COL5A2: variants seen among roughly 807,000 people sequenced by gnomAD.
COL5A2 encodes the protein collagen alpha-2(V) chain.
A neutral mutation model predicts 208.2 loss-of-function variants in COL5A2; 23 were observed. That is an observed-to-expected ratio of 0.11 (90% CI 0.08 to 0.16). The LOEUF (loss-of-function observed/expected upper bound fraction) is 0.16, where lower values mean the gene tolerates loss of function less well. Ranked by LOEUF, COL5A2 falls within the 10% of genes least tolerant of loss-of-function variation. The probability of loss-of-function intolerance (pLI) is 1.00; values close to 1 mark genes in which losing one functional copy is unlikely to be tolerated. For missense variants in COL5A2, 1,590 were observed against 1,956.4 expected, an observed-to-expected ratio of 0.81 and a Z score of 3.53; for synonymous variants, 625 against 628.5, an observed-to-expected ratio of 0.99 and a Z score of 0.08.
chr2:189,041,316 TTTAA>T (rs2153506786), intron 50 of COL5A2, among the ~76,000 whole-genome samples: 1 of 152,344 alleles, frequency 6.6e-6, no homozygotes, highest in East Asian at 1.9e-4. Flanking sequence ...TTTTCATAAC[TTTAA>T]TTATAAATAC....
intron 1 of COL5A2, among the ~76,000 whole-genome samples, chr2:189,113,422 G>C (rs1017134058): frequency 1.3e-5 from 2 of 151,990 alleles, no homozygotes; most frequent in Non-Finnish European, 2.9e-5. Flanking sequence ...AACAGAGTGA[G>C]ACCTGGACTC....
chr2:189,418,201 T>A, the COL5A2 span, among the ~76,000 whole-genome samples: 1 of 152,154 alleles, frequency 6.6e-6, no homozygotes, highest in African/African-American at 2.4e-5. Flanking sequence ...TTGTTTAAAT[T>A]TTCATTTTAA....
At chr2:189,288,112 TC>T in the COL5A2 span, among the ~76,000 whole-genome samples, 1 of 151,746 alleles carries the variant, frequency 6.6e-6, no homozygotes, top group African/African-American at 2.4e-5. Flanking sequence ...TGAAAAGAGG[TC>T]CCACAGTAAG....
At chr2:189,104,310 A>G in intron 2 of COL5A2, 33 bp from the exon 3 acceptor site, 1 of 1,384,886 alleles carries the variant, frequency 7.2e-7, no homozygotes, top group Non-Finnish European at 1.0e-6. Flanking sequence ...GTGTTATTTT[A>G]TGAGGAAACA....
rs762140704 is a variant in COL5A2, at chr2:189,104,261, T to A, written c.336+3A>T. On this transcript the variant is annotated splice_donor_region_variant and intron_variant, in intron 3 of 53. Transcript: ENST00000374866. ...AAAAGAAAATATGCAAAGTAACACT[T>A]ACCTTTCTTCCTCTACCTGTAAAAA... 2 of 1,506,442 alleles carry A rather than the reference T, an allele frequency of 1.3e-6. No homozygotes were observed. Among genetic ancestry groups the A allele is most frequent in the African/African-American group, 2.7e-5 (2 of 72,748 alleles). The allele number at this position is 1,506,442 out of a possible 1,614,324, so 93.3% of individuals were successfully genotyped here. A position where few individuals can be genotyped will look rare whatever the true frequency, so the allele number is the denominator to read the frequency against.
chr2:189,179,869 A>G, upstream of COL5A2: 1 of 602,020 alleles, frequency 1.7e-6, no homozygotes, highest in Non-Finnish European at 2.9e-6. Context: ...AGTGTCTGCC[A>G]AGCAACGGTC....
intron 1 of COL5A2, among the ~76,000 whole-genome samples, chr2:189,175,193 C>T (rs995711713): frequency 6.6e-6 from 1 of 152,138 alleles, no homozygotes; most frequent in African/African-American, 2.4e-5. Flanking sequence ...GTAAGGGCTA[C>T]ATTTCCTAGC....
chr2:189,109,389 A>C (rs1318365321), intron 2 of COL5A2, among the ~76,000 whole-genome samples: 1 of 152,124 alleles, frequency 6.6e-6, no homozygotes, highest in Middle Eastern at 3.2e-3. Flanking sequence ...AGAAAAGGTA[A>C]GTTGCTATCT....
chr2:189,036,304 T>C (rs1476168956), intron 52 of COL5A2, among the ~76,000 whole-genome samples: 5 of 152,244 alleles, frequency 3.3e-5, no homozygotes, highest in South Asian at 2.1e-4. Flanking sequence ...TATGGCACTA[T>C]AGTTTATCAC....
At position 189,160,046 on chromosome 2, in the gene COL5A2, T is replaced by C. The variant is rs191150865; in HGVS notation, c.97+19462A>G. ...AATAATTTTCAGGTAACATAGAGTG[T>C]TGTTCTTGGTGACTAAAATTGCCAT... On this transcript the variant is annotated intron_variant, in intron 1 of 53. Transcript: ENST00000374866. 1.5e-3 allele frequency among the ~76,000 whole-genome samples: 227 copies of C among 152,208 alleles called. 1 individual carries two copies. The highest frequency in any genetic ancestry group is 5.0e-3 in the African/African-American group (207 of 41,524).
At chr2:189,412,202 C>T in the COL5A2 span, among the ~76,000 whole-genome samples, 1 of 152,038 alleles carries the variant, frequency 6.6e-6, no homozygotes. Flanking sequence ...TCCTGTGAGC[C>T]GCAGTCCCAA....
the COL5A2 span, among the ~76,000 whole-genome samples, chr2:189,344,562 C>T: frequency 6.6e-6 from 1 of 152,172 alleles, no homozygotes; most frequent in South Asian, 2.1e-4. Context: ...GCTGCAGCAA[C>T]AAGCAAGTCC....
chr2:189,337,332 G>A, the COL5A2 span, among the ~76,000 whole-genome samples: 3 of 151,298 alleles, frequency 2.0e-5, no homozygotes, highest in African/African-American at 4.8e-5. Context: ...ACAGGCGCCC[G>A]CCACTACGCC....
chr2:189,066,462 G>A lies in COL5A2; in HGVS notation c.1491C>T (p.Pro497=), dbSNP rs570269920. The change falls in exon 23 of 54, where the codon CCC becomes CCT. Residue 497 remains proline, a synonymous_variant. Coordinates refer to ENST00000374866, the MANE Select transcript of COL5A2 (RefSeq NM_000393.5). ...TGGGACCTCTTTTGCCTTCTTCACC[G>A]GGTGGGCCTATCGGACCCTGAATAC... The part of the protein sequence containing the change: ...PHGIQGPIGP[P]GEEGKRGPRG... The A allele has an allele frequency of 2.8e-5, 46 of 1,614,102 alleles. No homozygotes were observed. The highest frequency in any genetic ancestry group is 3.3e-4 in the Middle Eastern group (2 of 6,060).
chr2:189,053,756 A>G, intron 37 of COL5A2, 139 bp downstream of exon 37: 1 of 863,776 alleles, frequency 1.2e-6, no homozygotes, highest in East Asian at 2.6e-5. Context: ...GTTTAATTAG[A>G]AAAGCAAAAG....
intron 1 of COL5A2, among the ~76,000 whole-genome samples, chr2:189,210,430 T>C (rs1298902198): frequency 2.0e-5 from 2 of 98,842 alleles, no homozygotes; most frequent in African/African-American, 5.9e-5. Context: ...TTTGTTGAGC[T>C]TGAAAAAAAA....
At chr2:189,198,668 A>C (rs1689035841) in intron 1 of COL5A2, among the ~76,000 whole-genome samples, 2 of 152,178 alleles carry the variant, frequency 1.3e-5, no homozygotes, top group South Asian at 4.1e-4. Context: ...AATTGTTTTC[A>C]TAATAGTGAA....
At chr2:189,266,192 C>G in the COL5A2 span, among the ~76,000 whole-genome samples, 1 of 152,096 alleles carries the variant, frequency 6.6e-6, no homozygotes, top group Non-Finnish European at 1.5e-5. Context: ...CTTTGGTAGG[C>G]AGAGATGGGC....
At chr2:189,077,812 A>G (rs948130636) in intron 16 of COL5A2, among the ~76,000 whole-genome samples, 1 of 152,130 alleles carries the variant, frequency 6.6e-6, no homozygotes, top group Non-Finnish European at 1.5e-5. Context: ...CGCTATTGCT[A>G]ATAGTAATGG....
Sources: gnomAD v4.1 joint callset for allele counts (sites outside exome capture counted in the v4.1 genomes callset) on GRCh38, gnomAD v4.1.1 for gene constraint, MANE v1.5 for transcripts, NCBI Gene and HGNC (gene_info 2026-07-23, HGNC 2026-07-21) for gene names.